Variants in EFL1 observed in about 807,000 individuals in gnomAD.
EFL1 encodes elongation factor like GTPase 1.
Under a neutral mutation model 126.7 loss-of-function variants are expected in EFL1, and 76 were observed. The ratio of observed to expected loss-of-function variants is 0.60; its 90% CI spans 0.50 to 0.73. EFL1 has a LOEUF of 0.73. Ranked by LOEUF, EFL1 falls within the 30% of genes least tolerant of loss-of-function variation. The pLI, the probability that EFL1 is intolerant of heterozygous loss-of-function variation, is 0.00. For missense variants in EFL1, 1,128 were observed against 1,343.2 expected (o/e 0.84, Z 2.50); for synonymous variants, 410 against 448.4 (o/e 0.91, Z 1.08).
chr15:82,166,925 T>C (rs2074085432), intron 15 of EFL1, among the ~76,000 whole-genome samples: 2 of 152,212 alleles, frequency 1.3e-5, no homozygotes, highest in African/African-American at 4.8e-5. Flanking sequence ...GCTAAAGCAT[T>C]TTTCAACTGG....
chr15:82,227,301 T>A, intron 11 of EFL1, 149 bp downstream of exon 11: 2 of 1,286,098 alleles, frequency 1.6e-6, no homozygotes, highest in South Asian at 2.7e-5. Context: ...ACTGGTGAAA[T>A]GGTCATTTGT....
chr15:82,236,394 A>T (rs1207874557), intron 7 of EFL1, among the ~76,000 whole-genome samples: 1 of 152,230 alleles, frequency 6.6e-6, no homozygotes, highest in Non-Finnish European at 1.5e-5. Flanking sequence ...TGTGGACAGA[A>T]ATAATCTACC....
chr15:82,189,645 T>C (rs1294061540), intron 15 of EFL1, among the ~76,000 whole-genome samples: 1 of 152,232 alleles, frequency 6.6e-6, no homozygotes, highest in African/African-American at 2.4e-5. Flanking sequence ...GTCTCCCCTG[T>C]ACTCCAACTA....
At chr15:82,241,547 C>G (rs1270929276) in intron 4 of EFL1, 144 bp from the exon 5 acceptor site, 1 of 1,007,094 alleles carries the variant, frequency 9.9e-7, no homozygotes, top group Non-Finnish European at 1.4e-6. Flanking sequence ...CCAGAGCTAC[C>G]ATTCCAACTT....
At chr15:82,159,067 A>C (rs2073995981) in intron 16 of EFL1, among the ~76,000 whole-genome samples, 1 of 152,236 alleles carries the variant, frequency 6.6e-6, no homozygotes. Flanking sequence ...AATGCAAAGA[A>C]TCCCAAGGGA....
rs137946621 is a variant in EFL1 at position 82,156,957 on chromosome 15, G to A, written c.2030+756C>T. On this transcript the variant is annotated intron_variant, in intron 17 of 19. Transcript: ENST00000268206. ...GAAGAGGCAAGTTCAAATATTTATT[G>A]CTAGTTATAATGTAAATTAGAACAG... Among the ~76,000 whole-genome samples, 20 of 152,282 alleles carry A rather than the reference G, an allele frequency of 1.3e-4. No individual in the cohort carries two copies. The East Asian group carries it at 3.9e-3, about 29-fold the overall frequency.
chr15:82,245,288 A>G (rs750020417), intron 4 of EFL1, among the ~76,000 whole-genome samples: 1 of 151,938 alleles, frequency 6.6e-6, no homozygotes. Context: ...AGTAGCAGGG[A>G]CTGCAGGCAC....
At chr15:82,225,312 A>G in intron 11 of EFL1, 48 bp from the exon 12 acceptor site, 1 of 1,396,132 alleles carries the variant, frequency 7.2e-7, no homozygotes, top group South Asian at 1.4e-5. Flanking sequence ...CATTATTAAA[A>G]AAAAAAAACA....
At chr15:82,163,610 T>C (rs188497188) in intron 16 of EFL1, among the ~76,000 whole-genome samples, 3 of 152,290 alleles carry the variant, frequency 2.0e-5, no homozygotes, top group Admixed American at 6.5e-5. Context: ...GTGGGGGATG[T>C]AGAGATGACC....
intron 17 of EFL1, among the ~76,000 whole-genome samples, chr15:82,152,711 A>G (rs1287642443): frequency 6.6e-6 from 1 of 152,060 alleles, no homozygotes; most frequent in African/African-American, 2.4e-5. Context: ...CCATTTAGAT[A>G]AGAATGTTTT....
chr15:82,159,538 A>G (rs1186737645), intron 16 of EFL1, among the ~76,000 whole-genome samples: 1 of 152,116 alleles, frequency 6.6e-6, no homozygotes, highest in Admixed American at 6.5e-5. Flanking sequence ...GGTGTTTGAA[A>G]ATGTTGCCGC....
intron 11 of EFL1, among the ~76,000 whole-genome samples, chr15:82,225,821 T>C (rs2074757288): frequency 6.6e-6 from 1 of 152,234 alleles, no homozygotes; most frequent in African/African-American, 2.4e-5. Flanking sequence ...CAAATTTTAA[T>C]GCAATTTCAT....
chr15:82,131,358 T>C (rs1221182663), intron 19 of EFL1, among the ~76,000 whole-genome samples: 1 of 152,084 alleles, frequency 6.6e-6, no homozygotes, highest in Non-Finnish European at 1.5e-5. Flanking sequence ...AGTGGTGCAA[T>C]CATACTCACT....
intron 18 of EFL1, among the ~76,000 whole-genome samples, chr15:82,149,713 GATTTAT>G (rs1399762210): frequency 6.6e-6 from 1 of 152,180 alleles, no homozygotes; most frequent in African/African-American, 2.4e-5. Flanking sequence ...GAAAACTAAT[GATTTAT>G]TTCAAATACA....
At chr15:82,206,158 C>A (rs904139799) in intron 15 of EFL1, among the ~76,000 whole-genome samples, 11 of 152,084 alleles carry the variant, frequency 7.2e-5, no homozygotes, top group African/African-American at 2.7e-4. Context: ...AAAAGAAATT[C>A]ATTCCAAATT....
At chr15:82,200,113 C>A (rs1374088287) in intron 15 of EFL1, among the ~76,000 whole-genome samples, 2 of 152,106 alleles carry the variant, frequency 1.3e-5, no homozygotes, top group Non-Finnish European at 2.9e-5. Flanking sequence ...ACTGTGCTGG[C>A]ACAACACCTA....
chr15:82,146,778 T>C (rs2073851034), intron 18 of EFL1, among the ~76,000 whole-genome samples: 1 of 151,972 alleles, frequency 6.6e-6, no homozygotes, highest in Non-Finnish European at 1.5e-5. Context: ...GCAGGGTAAA[T>C]AAATGGGGCT....
chr15:82,150,127 G>A (rs972448792), intron 18 of EFL1, among the ~76,000 whole-genome samples: 1 of 152,184 alleles, frequency 6.6e-6, no homozygotes, highest in Non-Finnish European at 1.5e-5. Context: ...ATGACATGCT[G>A]TATTTGGAGA....
intron 15 of EFL1, among the ~76,000 whole-genome samples, chr15:82,172,596 T>C (rs1410650022): frequency 1.3e-5 from 2 of 152,232 alleles, no homozygotes; most frequent in African/African-American, 2.4e-5. Flanking sequence ...TCCATTTTAA[T>C]AACAAAGACT....
Sources: allele counts gnomAD v4.1 joint callset (sites outside exome capture counted in the v4.1 genomes callset), GRCh38; gene constraint gnomAD v4.1.1; transcripts MANE v1.5; gene names NCBI Gene and HGNC (gene_info 2026-07-23, HGNC 2026-07-21).